VAV3: variants seen among roughly 807,000 people sequenced by gnomAD.
VAV3 encodes the protein vav guanine nucleotide exchange factor 3.
A neutral mutation model predicts 131.2 loss-of-function variants in VAV3; 94 were observed. The ratio of observed to expected loss-of-function variants is 0.72; its 90% confidence interval spans 0.61 to 0.85. VAV3 has a LOEUF of 0.85. Among genes scored for constraint, VAV3 ranks in the 40% least tolerant of loss-of-function variants. The probability of loss-of-function intolerance (pLI) is 0.00; values close to 1 mark genes in which losing one functional copy is unlikely to be tolerated. For synonymous variants in VAV3, 349 were observed against 342.0 expected (o/e 1.02, Z -0.22); for missense variants, 939 against 1,002.7 (o/e 0.94, Z 0.86).
intron 12 of VAV3, among the ~76,000 whole-genome samples, chr1:107,751,531 T>G (rs1296070188): frequency 6.6e-6 from 1 of 152,192 alleles, no homozygotes; most frequent in Non-Finnish European, 1.5e-5. Flanking sequence ...GAGCATCTAC[T>G]ACGTGCCAAC....
chr1:107,698,438 G>A (rs1339131763), intron 17 of VAV3, among the ~76,000 whole-genome samples: 2 of 152,134 alleles, frequency 1.3e-5, no homozygotes, highest in East Asian at 3.9e-4. Context: ...TTCAAGTACT[G>A]TGAGCATGTT....
At chr1:107,698,075 A>G (rs556435741) in intron 17 of VAV3, among the ~76,000 whole-genome samples, 2 of 152,272 alleles carry the variant, frequency 1.3e-5, no homozygotes, top group South Asian at 4.1e-4. Context: ...CAGATTGCAT[A>G]TTTCTCTGTG....
At chr1:107,630,345 G>GGA (rs1557716900) in intron 20 of VAV3, among the ~76,000 whole-genome samples, 2 of 148,334 alleles carry the variant, frequency 1.3e-5, no homozygotes, top group Non-Finnish European at 3.0e-5. Flanking sequence ...AAGAATGGAT[G>GGA]GGAGGATGGA....
At chr1:107,804,545 C>T (rs1463783669) in intron 2 of VAV3, among the ~76,000 whole-genome samples, 1 of 152,106 alleles carries the variant, frequency 6.6e-6, no homozygotes, top group Non-Finnish European at 1.5e-5. Context: ...ATTTTAACTC[C>T]ATTCTCTCCA....
chr1:107,582,307 T>C lies in VAV3; in HGVS notation c.2351-8109A>G, dbSNP rs1249305466. Among the ~76,000 whole-genome samples, 9 of 152,164 alleles carry C rather than the reference T, an allele frequency of 5.9e-5. 2 individuals are homozygous for C. The highest frequency in any genetic ancestry group is 5.9e-4 in the Admixed American group (9 of 15,270). ...TATTTTAGAACTCAGGCATATCGTT[T>C]TAGATGCCCTGCAAAATTCATAGAC... On this transcript the variant is annotated intron_variant, in intron 25 of 26. Transcript: ENST00000370056.
chr1:107,737,020 G>A (rs1662687004), intron 15 of VAV3, among the ~76,000 whole-genome samples: 1 of 152,076 alleles, frequency 6.6e-6, no homozygotes, highest in Non-Finnish European at 1.5e-5. Flanking sequence ...TAGACCAATG[G>A]AACAGAATAG....
At chr1:107,827,519 G>A (rs1668068027) in intron 2 of VAV3, among the ~76,000 whole-genome samples, 1 of 152,150 alleles carries the variant, frequency 6.6e-6, no homozygotes, top group Non-Finnish European at 1.5e-5. Flanking sequence ...ATTGATACAA[G>A]GAGAGAAAAC....
intron 2 of VAV3, among the ~76,000 whole-genome samples, chr1:107,783,521 C>G (rs1665813323): frequency 6.6e-6 from 1 of 152,096 alleles, no homozygotes; most frequent in African/African-American, 2.4e-5. Flanking sequence ...TGGACAGCCC[C>G]AAGGCCGCCT....
chr1:107,735,191 G>T lies in VAV3; in HGVS notation c.1502+13777C>A, dbSNP rs1283382631. Among the ~76,000 whole-genome samples the T allele has an allele frequency of 2.0e-5, 3 of 152,186 alleles. No individual in the cohort carries two copies. The East Asian group carries it at 5.8e-4, about 29-fold the overall frequency. On this transcript the variant is annotated intron_variant, in intron 15 of 26. Transcript: ENST00000370056. Reference sequence around the variant, plus strand: ...AAAGACACAACGTACCAGAATCTCTGGGACACATTTAAAGCAGTGTGTAGA... The same window carrying T: ...AAAGACACAACGTACCAGAATCTCTTGGACACATTTAAAGCAGTGTGTAGA...
intron 15 of VAV3, among the ~76,000 whole-genome samples, chr1:107,736,533 CA>C (rs1465805532): frequency 6.6e-6 from 1 of 152,138 alleles, no homozygotes; most frequent in Non-Finnish European, 1.5e-5. Flanking sequence ...AATCAATGTG[CA>C]AAAATCACAA....
chr1:107,911,185 T>C (rs17020334), intron 1 of VAV3, among the ~76,000 whole-genome samples: 24,273 of 152,170 alleles, frequency 0.16, 2,039 homozygotes, highest in South Asian at 0.22. Context: ...AAAGAGTATT[T>C]CCAAGCTTCT....
At chr1:107,611,129 C>T (rs1359525136) in intron 21 of VAV3, among the ~76,000 whole-genome samples, 1 of 152,128 alleles carries the variant, frequency 6.6e-6, no homozygotes, top group Non-Finnish European at 1.5e-5. Flanking sequence ...TTCCACATCC[C>T]TAATCCAAAA....
intron 25 of VAV3, among the ~76,000 whole-genome samples, chr1:107,587,386 T>C (rs1223050535): frequency 6.6e-6 from 1 of 152,176 alleles, no homozygotes; most frequent in Non-Finnish European, 1.5e-5. Context: ...GCATTGATCC[T>C]CATAACTAGG....
At chr1:107,669,322 A>G (rs1570721353) in intron 19 of VAV3, 1 of 1,289,650 alleles carries the variant, frequency 7.8e-7, no homozygotes, top group East Asian at 5.6e-5. Context: ...GTTGCTGGAC[A>G]CCAGCCTTGT....
intron 1 of VAV3, among the ~76,000 whole-genome samples, chr1:107,922,479 A>G (rs7517452): frequency 0.031 from 4,752 of 152,280 alleles, 245 homozygotes; most frequent in African/African-American, 0.11. Context: ...ATATATCTAT[A>G]CAAGTTATAT....
At chr1:107,851,868 T>A (rs1382537083) in intron 2 of VAV3, among the ~76,000 whole-genome samples, 2 of 152,190 alleles carry the variant, frequency 1.3e-5, no homozygotes, top group African/African-American at 4.8e-5. Context: ...CAGTAACTGA[T>A]GCTATTTTAC....
chr1:107,817,704 TC>T (rs1224737829), intron 2 of VAV3, among the ~76,000 whole-genome samples: 1 of 151,994 alleles, frequency 6.6e-6, no homozygotes, highest in Non-Finnish European at 1.5e-5. Context: ...GGAGAGCCCT[TC>T]CCATGTGGCT....
chr1:107,909,062 C>G (rs1014256870), intron 1 of VAV3, among the ~76,000 whole-genome samples: 8 of 152,154 alleles, frequency 5.3e-5, no homozygotes, highest in African/African-American at 1.9e-4. Context: ...CTACAAATAA[C>G]TGAAAGAAAA....
chr1:107,621,844 C>T (rs370589218), intron 20 of VAV3, among the ~76,000 whole-genome samples: 66 of 152,218 alleles, frequency 4.3e-4, no homozygotes, highest in Middle Eastern at 6.8e-3. Context: ...ATATACCATA[C>T]GGTGCTATCT....
Sources: gnomAD v4.1 joint callset for allele counts (sites outside exome capture counted in the v4.1 genomes callset) on GRCh38, gnomAD v4.1.1 for gene constraint, MANE v1.5 for transcripts, NCBI Gene and HGNC (gene_info 2026-07-23, HGNC 2026-07-21) for gene names.